HS6ST3: variants seen among roughly 807,000 people sequenced by gnomAD.
The protein encoded by HS6ST3 is heparan-sulfate 6-O-sulfotransferase 3.
Under a neutral mutation model 36.7 loss-of-function variants are expected in HS6ST3, and 12 were observed. The observed-to-expected ratio is 0.33, with a 90% confidence interval of 0.21 to 0.53. HS6ST3 has a LOEUF of 0.53. Among genes scored for constraint, HS6ST3 ranks in the 20% least tolerant of loss-of-function variants. The probability of loss-of-function intolerance (pLI) is 0.95; values close to 1 mark genes in which losing one functional copy is unlikely to be tolerated. For missense variants in HS6ST3, 584 were observed against 640.9 expected, an observed-to-expected ratio of 0.91 and a Z score of 0.96; for synonymous variants, 240 against 257.5, an observed-to-expected ratio of 0.93 and a Z score of 0.65.
intron 1 of HS6ST3, among the ~76,000 whole-genome samples, chr13:96,829,305 CT>C (rs929644270): frequency 1.4e-4 from 21 of 148,246 alleles, no homozygotes; most frequent in South Asian, 4.3e-4. Context: ...ACTGCTCCAA[CT>C]TTTTTTTTTC....
At chr13:96,492,287 T>TGAA (rs2055950298) in intron 1 of HS6ST3, among the ~76,000 whole-genome samples, 24 of 152,204 alleles carry the variant, frequency 1.6e-4, no homozygotes, top group Admixed American at 1.6e-3. Context: ...CTAAAAAGAC[T>TGAA]CTCAGTTCTC....
intron 1 of HS6ST3, among the ~76,000 whole-genome samples, chr13:96,706,680 C>T (rs942053953): frequency 2.0e-5 from 3 of 151,876 alleles, no homozygotes; most frequent in East Asian, 3.9e-4. Context: ...AACAATCCAT[C>T]GTCCCCTGCT....
intron 1 of HS6ST3, among the ~76,000 whole-genome samples, chr13:96,750,634 G>T (rs536632229): frequency 6.6e-6 from 1 of 152,258 alleles, no homozygotes; most frequent in South Asian, 2.1e-4. Flanking sequence ...AATGCTGCAA[G>T]GTCCTTAGAC....
At chr13:96,448,077 A>G (rs950308461) in intron 1 of HS6ST3, among the ~76,000 whole-genome samples, 7 of 152,190 alleles carry the variant, frequency 4.6e-5, no homozygotes, top group African/African-American at 1.7e-4. Context: ...CTAATTGTCC[A>G]TGGTATAGTT....
At chr13:96,533,436 C>T (rs2056143491) in intron 1 of HS6ST3, among the ~76,000 whole-genome samples, 1 of 152,196 alleles carries the variant, frequency 6.6e-6, no homozygotes, top group Admixed American at 6.5e-5. Flanking sequence ...GACAGCCATG[C>T]AAGCATTATG....
At chr13:96,518,138 C>G (rs2056080034) in intron 1 of HS6ST3, among the ~76,000 whole-genome samples, 1 of 152,160 alleles carries the variant, frequency 6.6e-6, no homozygotes, top group Admixed American at 6.6e-5. Flanking sequence ...TAAAGGCACT[C>G]TTTTCTCTGA....
chr13:96,188,613 A>G (rs1013553480), intron 1 of HS6ST3, among the ~76,000 whole-genome samples: 6 of 152,240 alleles, frequency 3.9e-5, no homozygotes, highest in African/African-American at 1.2e-4. Context: ...GGGAATATAT[A>G]GAAAGTGCCT....
intron 1 of HS6ST3, among the ~76,000 whole-genome samples, chr13:96,706,008 T>C (rs1875413441): frequency 6.6e-6 from 1 of 152,216 alleles, no homozygotes; most frequent in Admixed American, 6.5e-5. Context: ...ATTTTTCAAG[T>C]CTAGGCTTAT....
chr13:96,435,489 A>C (rs1307536672), intron 1 of HS6ST3, among the ~76,000 whole-genome samples: 1 of 152,150 alleles, frequency 6.6e-6, no homozygotes, highest in Non-Finnish European at 1.5e-5. Context: ...CTGGACACTT[A>C]GGTGCTCCTT....
chr13:96,311,205 C>T (rs142414345), intron 1 of HS6ST3, among the ~76,000 whole-genome samples: 1,720 of 152,272 alleles, frequency 0.011, 24 homozygotes, highest in Non-Finnish European at 0.012. Context: ...CAGTAAGTCT[C>T]ATATTCCATT....
intron 1 of HS6ST3, among the ~76,000 whole-genome samples, chr13:96,163,439 T>C (rs568121398): frequency 7.7e-4 from 117 of 151,922 alleles, no homozygotes; most frequent in Middle Eastern, 6.8e-3. Context: ...CCGTATTAGC[T>C]AGCATGGTCT....
chr13:96,657,299 A>G (rs1022756403), intron 1 of HS6ST3, among the ~76,000 whole-genome samples: 6 of 152,102 alleles, frequency 3.9e-5, no homozygotes, highest in African/African-American at 1.4e-4. Flanking sequence ...AGTGGCTCAC[A>G]CCTATAATCT....
rs189597889 is a variant in HS6ST3, at chr13:96,329,138, G to A, written c.707+237569G>A. On this transcript the variant is annotated intron_variant, in intron 1 of 1. Coordinates refer to ENST00000376705, the MANE Select transcript of HS6ST3 (RefSeq NM_153456.4). ...TGATCCTTTCAAAAAACCAGCTCCC[G>A]GATTCATTAATTTTTTGAAGCGTTT... is the stretch of plus-strand genomic sequence containing the variant. Among the ~76,000 whole-genome samples, 106 of 148,920 alleles carry A rather than the reference G, an allele frequency of 7.1e-4. 1 individual carries two copies. Among genetic ancestry groups the A allele is most frequent in the African/African-American group, 2.6e-3 (103 of 40,010 alleles).
rs548994605 is a variant in HS6ST3, at chr13:96,130,637, T to C, written c.707+39068T>C. 7.9e-5 allele frequency among the ~76,000 whole-genome samples: 12 copies of C among 152,326 alleles called. No homozygotes were observed. In the South Asian group the frequency reaches 2.1e-3, roughly 26 times the overall value. On this transcript the variant is annotated intron_variant, in intron 1 of 1. Transcript: ENST00000376705. ...GAACTTGTCTTTCCTTAATTCCTTT[T>C]TCTTGAGGTAATGCCAGGAGCACCT... is the stretch of plus-strand genomic sequence containing the variant.
At chr13:96,767,696 T>C (rs1368791278) in intron 1 of HS6ST3, among the ~76,000 whole-genome samples, 1 of 152,152 alleles carries the variant, frequency 6.6e-6, no homozygotes, top group African/African-American at 2.4e-5. Flanking sequence ...GCTGATGCCA[T>C]GTGGAAGGGA....
intron 1 of HS6ST3, among the ~76,000 whole-genome samples, chr13:96,259,243 T>C (rs2054652651): frequency 6.6e-6 from 1 of 152,024 alleles, no homozygotes; most frequent in African/African-American, 2.4e-5. Context: ...ACTCAGGTGG[T>C]GGCAAATCAT....
intron 1 of HS6ST3, among the ~76,000 whole-genome samples, chr13:96,459,100 T>TAAAAAAAAAA (rs747439262): frequency 2.3e-4 from 15 of 63,884 alleles, no homozygotes; most frequent in African/African-American, 9.9e-4. Flanking sequence ...CAAGACTGTC[T>TAAAAAAAAAA]AAAAAAAAAA....
intron 1 of HS6ST3, among the ~76,000 whole-genome samples, chr13:96,163,983 G>C (rs1481506965): frequency 6.6e-6 from 1 of 152,084 alleles, no homozygotes; most frequent in East Asian, 1.9e-4. Context: ...TGGAGTTCTG[G>C]GAAACATAGT....
At chr13:96,475,015 A>G (rs1350162166) in intron 1 of HS6ST3, among the ~76,000 whole-genome samples, 2 of 152,132 alleles carry the variant, frequency 1.3e-5, no homozygotes, top group African/African-American at 2.4e-5. Context: ...GGATTTCCTT[A>G]GGAGAAAATG....
Sources: gnomAD v4.1 joint callset for allele counts (sites outside exome capture counted in the v4.1 genomes callset) on GRCh38, gnomAD v4.1.1 for gene constraint, MANE v1.5 for transcripts, NCBI Gene and HGNC (gene_info 2026-07-23, HGNC 2026-07-21) for gene names.